The following RIMS1 variants were observed in gnomAD, a reference collection of about 807,000 sequenced individuals.
The protein encoded by RIMS1 is regulating synaptic membrane exocytosis protein 1.
Under a neutral mutation model 214.1 loss-of-function variants are expected in RIMS1, and 83 were observed. The observed-to-expected ratio is 0.39, with a 90% CI of 0.32 to 0.47. RIMS1 has a LOEUF of 0.47. Ranked by LOEUF, RIMS1 falls within the 20% of genes least tolerant of loss-of-function variation. RIMS1 has a pLI of 0.99. For missense variants in RIMS1, 2,050 were observed against 2,161.8 expected (o/e 0.95, Z 1.03); for synonymous variants, 793 against 786.8 (o/e 1.01, Z -0.13).
At chr6:72,392,929 G>A (rs117996657) in intron 31 of RIMS1, 119 bp downstream of exon 31, 15,864 of 687,102 alleles carry the variant, frequency 0.023, 227 homozygotes, top group Non-Finnish European at 0.03. Flanking sequence ...TAGCTACAGA[G>A]TTACTGTTTG....
rs527468166 is a variant in RIMS1 at position 72,214,155 on chromosome 6, T to C, written c.1679-19618T>C. Among the ~76,000 whole-genome samples the C allele has an allele frequency of 3.8e-3, 579 of 152,308 alleles. 9 individuals carry two copies. The highest frequency in any genetic ancestry group is 0.013 in the African/African-American group (544 of 41,568). ...TTTTAGAATAAGGTCAACATTAATC[T>C]CTTCTAATATTGATTCTCTGCTTTG... is the stretch of plus-strand genomic sequence containing the variant. On this transcript the variant is annotated intron_variant, in intron 6 of 33. Transcript: ENST00000521978.
At chr6:72,026,456 C>G (rs1319138307) in intron 2 of RIMS1, among the ~76,000 whole-genome samples, 4 of 23,738 alleles carry the variant, frequency 1.7e-4, no homozygotes, top group African/African-American at 3.4e-4. Flanking sequence ...CCCAGCACCG[C>G]CCCCCCCCCC....
chr6:72,031,635 G>A (rs1189586010), intron 2 of RIMS1, among the ~76,000 whole-genome samples: 1 of 152,076 alleles, frequency 6.6e-6, no homozygotes, highest in Non-Finnish European at 1.5e-5. Flanking sequence ...CAAACCTACG[G>A]CATTATGGTC....
At chr6:72,316,688 G>A (rs1315604760) in intron 28 of RIMS1, 4 of 611,320 alleles carry the variant, frequency 6.5e-6, no homozygotes, top group Admixed American at 2.1e-5. Context: ...CTTTTATTGG[G>A]TGGCACCTCC....
rs1191801924 is a variant in RIMS1 at position 72,261,239 on chromosome 6, A to C, written c.3116+472A>C. 3.0e-6 allele frequency: 3 copies of C among 1,006,172 alleles called. No homozygotes were observed. The Admixed American group carries it at 1.6e-4, about 55-fold the overall frequency. The allele number at this position is 1,006,172 out of a possible 1,614,324, so 62.3% of individuals were successfully genotyped here. A position where few individuals can be genotyped will look rare whatever the true frequency, so the allele number is the denominator to read the frequency against. On this transcript the variant is annotated intron_variant, in intron 19 of 33. Transcript: ENST00000521978. ...TTATATTCTGTTTGCTTTTGATAAA[A>C]TCTTTAACAGTTCACTTTTAATGGC...
At chr6:72,350,690 C>T (rs989558114) in intron 29 of RIMS1, among the ~76,000 whole-genome samples, 4 of 152,118 alleles carry the variant, frequency 2.6e-5, no homozygotes, top group African/African-American at 9.7e-5. Flanking sequence ...ACTGAGCACT[C>T]TTTATGGTAC....
chr6:72,147,500 A>T (rs1242355915), intron 4 of RIMS1, among the ~76,000 whole-genome samples: 4 of 152,070 alleles, frequency 2.6e-5, no homozygotes, highest in African/African-American at 4.8e-5. Context: ...GAAAACAGAA[A>T]TTTTTTCCAA....
chr6:72,232,922 T>G (rs2062563488), intron 6 of RIMS1, among the ~76,000 whole-genome samples: 1 of 151,842 alleles, frequency 6.6e-6, no homozygotes, highest in Non-Finnish European at 1.5e-5. Context: ...CTAGCATGCT[T>G]TACTCACTTT....
intron 6 of RIMS1, among the ~76,000 whole-genome samples, chr6:72,212,024 GA>G (rs1163362757): frequency 6.6e-6 from 1 of 151,880 alleles, no homozygotes; most frequent in African/African-American, 2.4e-5. Flanking sequence ...TATTATTTAG[GA>G]AGTATGAAAT....
chr6:72,061,489 C>T (rs1375533820), intron 2 of RIMS1, among the ~76,000 whole-genome samples: 4 of 152,200 alleles, frequency 2.6e-5, no homozygotes, highest in Non-Finnish European at 5.9e-5. Context: ...TTTGTTTCCA[C>T]GGATGGACTG....
chr6:72,285,181 A>T (rs1298158407), intron 24 of RIMS1, among the ~76,000 whole-genome samples: 2 of 152,190 alleles, frequency 1.3e-5, no homozygotes, highest in African/African-American at 4.8e-5. Flanking sequence ...TTGATCTGTG[A>T]GCCACAGATG....
Position 72,258,202 on chromosome 6 carries a change from C to A in RIMS1, c.2848C>A (p.Arg950Ser). The change falls in exon 17 of 34, where the codon CGC becomes AGC. Residue 950 changes from arginine to serine, a missense_variant. Arg to Ser is a moderately radical substitution (Grantham distance 110). Around this residue, in one of 6 missense-constraint regions of RIMS1, gnomAD observed 889 missense variants for 885.5 expected, o/e 1.00. Coordinates refer to ENST00000521978, the MANE Select transcript of RIMS1 (RefSeq NM_014989.7). ...VPEQQRTTHH[R>S]SRSVSPHRGN... ...AGAACAGCAAAGAACAACTCATCAC[C>A]GCTCACGTTCAGTATCTCCTCATCG... 6.2e-7 allele frequency: 1 copy of A among 1,613,290 alleles called. No homozygotes were observed. Among genetic ancestry groups the A allele is most frequent in the Non-Finnish European group, 8.5e-7 (1 of 1,179,542 alleles).
chr6:72,275,120 G>GTATATA (rs10526446), intron 23 of RIMS1, among the ~76,000 whole-genome samples: 1 of 81,514 alleles, frequency 1.2e-5, no homozygotes, highest in Non-Finnish European at 2.5e-5. Flanking sequence ...CTATTTTATG[G>GTATATA]TATATATATA....
intron 2 of RIMS1, among the ~76,000 whole-genome samples, chr6:72,012,192 A>G (rs1457893014): frequency 6.6e-6 from 1 of 152,212 alleles, no homozygotes; most frequent in Non-Finnish European, 1.5e-5. Context: ...GACATGGAGG[A>G]AGCTGGAAAC....
intron 2 of RIMS1, among the ~76,000 whole-genome samples, chr6:72,056,075 T>C (rs1367855574): frequency 1.5e-5 from 1 of 64,782 alleles, no homozygotes; most frequent in African/African-American, 1.1e-4. Flanking sequence ...TGGAATACTA[T>C]GCAGCCATAA....
At chr6:72,269,210 G>T (rs1443332343) in intron 22 of RIMS1, among the ~76,000 whole-genome samples, 1 of 152,070 alleles carries the variant, frequency 6.6e-6, no homozygotes, top group Non-Finnish European at 1.5e-5. Context: ...TGGCTCCCTA[G>T]TTGTTCAGCA....
At chr6:72,051,938 T>G (rs1213611294) in intron 2 of RIMS1, among the ~76,000 whole-genome samples, 1 of 152,106 alleles carries the variant, frequency 6.6e-6, no homozygotes, top group Admixed American at 6.6e-5. Flanking sequence ...TTTTAAAAAA[T>G]GATGCTCACA....
intron 2 of RIMS1, among the ~76,000 whole-genome samples, chr6:71,972,831 G>A (rs142290222): frequency 8.5e-5 from 13 of 152,276 alleles, no homozygotes; most frequent in East Asian, 3.9e-4. Context: ...ACTAAAATGC[G>A]TTTAAAAAGA....
intron 2 of RIMS1, among the ~76,000 whole-genome samples, chr6:71,984,452 T>A (rs948924103): frequency 6.6e-6 from 1 of 151,926 alleles, no homozygotes; most frequent in Non-Finnish European, 1.5e-5. Context: ...ATGAAAAAAA[T>A]GTAGAAACCA....
Sources: gnomAD v4.1 joint callset for allele counts (sites outside exome capture counted in the v4.1 genomes callset) on GRCh38, gnomAD v4.1.1 for gene constraint, gnomAD v4.1.1 regional missense constraint, MANE v1.5 for transcripts, NCBI Gene and HGNC (gene_info 2026-07-23, HGNC 2026-07-21) for gene names.